Variants in ANK2 observed in about 807,000 individuals in gnomAD.
The protein encoded by ANK2 is ankyrin-2.
ANK2 carries 83 observed loss-of-function variants against 360.5 expected under a neutral mutation model. That is an observed-to-expected ratio of 0.23 (90% CI 0.19 to 0.28). The LOEUF (loss-of-function observed/expected upper bound fraction) is 0.28, where lower values mean the gene tolerates loss of function less well. Among genes scored for constraint, ANK2 ranks in the 10% least tolerant of loss-of-function variants. The pLI, the probability that ANK2 is intolerant of heterozygous loss-of-function variation, is 1.00. For missense variants in ANK2, 4,201 were observed against 4,795.7 expected (o/e 0.88, Z 3.66); for synonymous variants, 1,740 against 1,759.5 (o/e 0.99, Z 0.28).
intron 45 of ANK2, among the ~76,000 whole-genome samples, chr4:113,378,773 G>C (rs1564228688): frequency 6.6e-6 from 1 of 152,146 alleles, no homozygotes. Flanking sequence ...TATACAAGGG[G>C]GCTGACTGTG....
intron 1 of ANK2, among the ~76,000 whole-genome samples, chr4:113,077,866 G>A (rs2080780483): frequency 6.6e-6 from 1 of 152,194 alleles, no homozygotes; most frequent in African/African-American, 2.4e-5. Flanking sequence ...TATCTTGAAT[G>A]TATGCCTGCA....
intron 1 of ANK2, among the ~76,000 whole-genome samples, chr4:113,100,169 T>G (rs889624547): frequency 2.6e-5 from 4 of 151,796 alleles, no homozygotes; most frequent in African/African-American, 9.7e-5. Context: ...AAGACACAGT[T>G]AAAAGAATAG....
chr4:112,872,008 G>A (rs2073230273), intron 1 of ANK2, among the ~76,000 whole-genome samples: 1 of 151,180 alleles, frequency 6.6e-6, no homozygotes, highest in Admixed American at 6.6e-5. Context: ...GTATTTTATT[G>A]AGGGTTTTTG....
chr4:113,022,602 A>G (rs2058418200), intron 2 of ANK2, among the ~76,000 whole-genome samples: 1 of 152,244 alleles, frequency 6.6e-6, no homozygotes, highest in South Asian at 2.1e-4. Context: ...GAAAATTTAG[A>G]AAGTAAAACT....
chr4:112,946,874 T>C (rs897367996), intron 2 of ANK2, among the ~76,000 whole-genome samples: 9 of 152,366 alleles, frequency 5.9e-5, no homozygotes, highest in Non-Finnish European at 1.0e-4. Context: ...ACATGTGCTT[T>C]CTTTTAAAAT....
At chr4:113,186,565 T>C (rs1359408799) in intron 2 of ANK2, among the ~76,000 whole-genome samples, 2 of 73,418 alleles carry the variant, frequency 2.7e-5, no homozygotes, top group African/African-American at 1.7e-4. Context: ...CCCGTGTCTC[T>C]CTCTCTCTCT....
chr4:112,976,154 A>G (rs192716737), intron 2 of ANK2, among the ~76,000 whole-genome samples: 3 of 152,222 alleles, frequency 2.0e-5, no homozygotes, highest in Admixed American at 2.0e-4. Context: ...CTTAGGAATT[A>G]AAAGAGTTTA....
At chr4:113,043,064 A>T (rs993129592) in intron 2 of ANK2, among the ~76,000 whole-genome samples, 1 of 152,180 alleles carries the variant, frequency 6.6e-6, no homozygotes. Flanking sequence ...TATAGTAGTC[A>T]GTGACCCCCC....
At chr4:112,964,416 T>C (rs1416308950) in intron 2 of ANK2, among the ~76,000 whole-genome samples, 2 of 151,874 alleles carry the variant, frequency 1.3e-5, no homozygotes, top group Non-Finnish European at 2.9e-5. Context: ...CACAAATAAG[T>C]GAGCACCTGA....
chr4:113,194,166 T>C (rs1042571069), intron 2 of ANK2, among the ~76,000 whole-genome samples: 2 of 152,204 alleles, frequency 1.3e-5, no homozygotes, highest in Non-Finnish European at 2.9e-5. Context: ...CAAATGCTTA[T>C]GGATTAACAA....
At chr4:112,996,668 C>T (rs1051543713) in intron 2 of ANK2, among the ~76,000 whole-genome samples, 2 of 151,968 alleles carry the variant, frequency 1.3e-5, no homozygotes, top group Non-Finnish European at 2.9e-5. Flanking sequence ...TACAGGCATG[C>T]AACGTGAAAT....
intron 9 of ANK2, among the ~76,000 whole-genome samples, chr4:113,244,288 A>G (rs1368540978): frequency 6.6e-6 from 1 of 152,214 alleles, no homozygotes; most frequent in African/African-American, 2.4e-5. Flanking sequence ...TGAAGATACG[A>G]CAGTTAACAA....
chr4:113,287,700 A>G lies in ANK2; in HGVS notation c.2175A>G (p.Thr725=), dbSNP rs1241797104. The change falls in exon 19 of 46, where the codon ACA becomes ACG. Residue 725 remains threonine, a synonymous_variant. Coordinates refer to ENST00000357077, the MANE Select transcript of ANK2 (RefSeq NM_001148.6). ...TKHGADQDAH[T]KLGYTPLIVA... Reference sequence around the variant, plus strand: ...ATGGAGCTGATCAGGATGCTCATACAAAGGTAAAGCAAATCACTCTCAGTA... The same window carrying G: ...ATGGAGCTGATCAGGATGCTCATACGAAGGTAAAGCAAATCACTCTCAGTA... The G allele has an allele frequency of 1.2e-6, 2 of 1,605,528 alleles. No homozygotes were observed. The highest frequency in any genetic ancestry group is 2.7e-5 in the African/African-American group (2 of 74,690).
At chr4:113,307,664 A>G (rs2077889125) in intron 23 of ANK2, among the ~76,000 whole-genome samples, 1 of 152,104 alleles carries the variant, frequency 6.6e-6, no homozygotes, top group South Asian at 2.1e-4. Flanking sequence ...TGGCCTGCCA[A>G]AGTGCTGGGA....
chr4:113,143,223 C>A (rs903161253), intron 1 of ANK2, among the ~76,000 whole-genome samples: 2 of 39,982 alleles, frequency 5.0e-5, no homozygotes, highest in Non-Finnish European at 1.0e-4. Context: ...AAGATATTAA[C>A]ACAAAATAAG....
In ANK2 at chr4:113,074,975, T is replaced by G. The variant is rs1192476182; in HGVS notation, c.84+25163T>G. On this transcript the variant is annotated intron_variant, in intron 1 of 45. Transcript: ENST00000357077. Reference sequence around the variant, plus strand: ...AATAGACATAGATTTAAAAATGCACTTTAGTATCTTGCTATTTGATTGTGT... The same window carrying G: ...AATAGACATAGATTTAAAAATGCACGTTAGTATCTTGCTATTTGATTGTGT... 2.0e-5 allele frequency among the ~76,000 whole-genome samples: 3 copies of G among 152,244 alleles called. No individual in the cohort carries two copies. In the East Asian group the frequency reaches 5.8e-4, roughly 29 times the overall value.
At chr4:112,880,048 TCA>T (rs150385010) in intron 1 of ANK2, among the ~76,000 whole-genome samples, 8,935 of 146,604 alleles carry the variant, frequency 0.061, 270 homozygotes, top group Middle Eastern at 0.081. Flanking sequence ...ACACAGACAC[TCA>T]CACACACACA....
intron 45 of ANK2, among the ~76,000 whole-genome samples, chr4:113,379,955 A>G (rs2097109536): frequency 2.0e-5 from 3 of 152,206 alleles, no homozygotes; most frequent in South Asian, 2.1e-4. Flanking sequence ...ATCATTTCCT[A>G]TGGCGGTTTT....
At chr4:112,853,913 A>C (rs2065670870) in intron 1 of ANK2, among the ~76,000 whole-genome samples, 1 of 152,234 alleles carries the variant, frequency 6.6e-6, no homozygotes, top group Non-Finnish European at 1.5e-5. Context: ...CATTCAATCA[A>C]TAAACAAACG....
Sources: allele counts gnomAD v4.1 joint callset (sites outside exome capture counted in the v4.1 genomes callset), GRCh38; gene constraint gnomAD v4.1.1; transcripts MANE v1.5; gene names NCBI Gene and HGNC (gene_info 2026-07-23, HGNC 2026-07-21).